Variants in PPP2R2C observed in about 807,000 individuals in gnomAD.
PPP2R2C encodes protein phosphatase 2 regulatory subunit Bgamma.
Under a neutral mutation model 45.3 loss-of-function variants are expected in PPP2R2C, and 10 were observed. The ratio of observed to expected loss-of-function variants is 0.22; its 90% CI spans 0.14 to 0.37. The LOEUF (loss-of-function observed/expected upper bound fraction) is 0.37, where lower values mean the gene tolerates loss of function less well. PPP2R2C is among the 10% of genes least tolerant of loss of function. PPP2R2C has a pLI of 1.00. For missense variants in PPP2R2C, 308 were observed against 619.7 expected, an observed-to-expected ratio of 0.50 and a Z score of 5.34; for synonymous variants, 257 against 245.4, an observed-to-expected ratio of 1.05 and a Z score of -0.44.
intron 2 of PPP2R2C, among the ~76,000 whole-genome samples, chr4:6,532,582 A>C (rs546127440): frequency 6.6e-6 from 1 of 152,190 alleles, no homozygotes; most frequent in Non-Finnish European, 1.5e-5. Context: ...TGCACATTCC[A>C]CTCTGCGTTT....
At chr4:6,363,216 C>T (rs1452938363) in intron 5 of PPP2R2C, among the ~76,000 whole-genome samples, 1 of 152,184 alleles carries the variant, frequency 6.6e-6, no homozygotes, top group Admixed American at 6.5e-5. Flanking sequence ...GTGCTGGTAA[C>T]TTGAACAATA....
chr4:6,485,451 TC>T (rs1290650114), intron 2 of PPP2R2C, among the ~76,000 whole-genome samples: 1 of 151,934 alleles, frequency 6.6e-6, no homozygotes, highest in Admixed American at 6.6e-5. Context: ...TAGTATTATT[TC>T]CTCCTTAAAT....
intron 1 of PPP2R2C, among the ~76,000 whole-genome samples, chr4:6,439,017 G>C (rs549421814): frequency 6.6e-6 from 1 of 152,314 alleles, no homozygotes; most frequent in East Asian, 1.9e-4. Context: ...TCTCTGAACA[G>C]TGCCAGAGAT....
intron 2 of PPP2R2C, among the ~76,000 whole-genome samples, chr4:6,511,200 C>T (rs1406959915): frequency 6.6e-6 from 1 of 152,142 alleles, no homozygotes; most frequent in Non-Finnish European, 1.5e-5. Context: ...AGAACGATGC[C>T]TGGCATGGCG....
intron 1 of PPP2R2C, among the ~76,000 whole-genome samples, chr4:6,463,537 G>A (rs953404611): frequency 6.6e-6 from 1 of 152,222 alleles, no homozygotes; most frequent in African/African-American, 2.4e-5. Flanking sequence ...GGCCCCCACT[G>A]TGCAAGGAGG....
chr4:6,477,128 G>C (rs1311707979), upstream of PPP2R2C, among the ~76,000 whole-genome samples: 1 of 152,132 alleles, frequency 6.6e-6, no homozygotes, highest in Non-Finnish European at 1.5e-5. Flanking sequence ...GGTGGTGCAT[G>C]CTTGTGGTCC....
Position 6,364,663 on chromosome 4 carries a change from C to T in PPP2R2C, c.625+7860G>A, listed in dbSNP as rs115232494. Among the ~76,000 whole-genome samples the T allele has an allele frequency of 3.1e-4, 47 of 152,260 alleles. No homozygotes were observed. Among genetic ancestry groups the T allele is most frequent in the African/African-American group, 7.7e-4 (32 of 41,560 alleles). ...TATGGTGTCAGCAGGGGCTTTTCCT[C>T]GCTTTACAGGTGAGGAGCTGAGGCA... On this transcript the variant is annotated intron_variant, in intron 5 of 8. Coordinates refer to ENST00000382599, the MANE Select transcript of PPP2R2C (RefSeq NM_020416.4). The surrounding 1 kb of genome is among the most constrained non-coding windows in gnomAD (Gnocchi z 5.3).
intron 1 of PPP2R2C, chr4:6,383,407 C>T (rs1367417350): frequency 7.8e-7 from 1 of 1,289,862 alleles, no homozygotes. Context: ...TACCTCCTCC[C>T]CTTCCCCAGC....
rs1276677362 is a variant in PPP2R2C at position 6,331,622 on chromosome 4, G to C, written c.960+1940C>G. 1.3e-5 allele frequency among the ~76,000 whole-genome samples: 2 copies of C among 152,220 alleles called. No individual in the cohort carries two copies. Among genetic ancestry groups the C allele is most frequent in the Non-Finnish European group, 2.9e-5 (2 of 68,046 alleles). ...AACACGCAACAGACCCCAGGGGTGA[G>C]ATCTAGTGCATTTCCTATTTCCTGC... is the stretch of plus-strand genomic sequence containing the variant. On this transcript the variant is annotated intron_variant, in intron 7 of 8. Coordinates refer to ENST00000382599, the MANE Select transcript of PPP2R2C (RefSeq NM_020416.4). The surrounding 1 kb of genome is among the most constrained non-coding windows in gnomAD (Gnocchi z 5.9).
intron 1 of PPP2R2C, among the ~76,000 whole-genome samples, chr4:6,430,296 G>C (rs1449131259): frequency 6.6e-6 from 1 of 152,170 alleles, no homozygotes; most frequent in Non-Finnish European, 1.5e-5. Context: ...AGGAAGCTGA[G>C]GCCCAGAGAG....
rs769823940 is a variant in PPP2R2C at position 6,329,223 on chromosome 4, C to T, written c.1052+39G>A. The stretch of plus-strand genomic sequence containing the variant: ...GACCCCTGCAGGGCAGAAACCCTCC[C>T]TACGGTGAGGTGAGGTGCGGGCTGA... On this transcript the variant is annotated intron_variant, in intron 8 of 8. Coordinates refer to ENST00000382599, the MANE Select transcript of PPP2R2C (RefSeq NM_020416.4). This position sits in a 1 kb window ranked among gnomAD's most constrained non-coding sequence, Gnocchi z 5.8. 1.3e-6 allele frequency: 2 copies of T among 1,586,768 alleles called. No individual in the cohort carries two copies. Among genetic ancestry groups the T allele is most frequent in the South Asian group, 2.2e-5 (2 of 89,852 alleles).
intron 2 of PPP2R2C, among the ~76,000 whole-genome samples, chr4:6,511,005 A>C (rs892535114): frequency 6.6e-6 from 1 of 150,442 alleles, no homozygotes; most frequent in Non-Finnish European, 1.5e-5. Context: ...AAACAAAAAA[A>C]AAAACAGAAA....
intron 1 of PPP2R2C, among the ~76,000 whole-genome samples, chr4:6,412,940 T>G (rs1376369970): frequency 2.6e-5 from 4 of 152,226 alleles, no homozygotes; most frequent in Admixed American, 6.5e-5. Flanking sequence ...CCGAAACTGC[T>G]GGCACCTTCA....
intron 1 of PPP2R2C, among the ~76,000 whole-genome samples, chr4:6,448,354 C>A (rs1430387144): frequency 6.6e-6 from 1 of 152,162 alleles, no homozygotes; most frequent in South Asian, 2.1e-4. Flanking sequence ...GGAGGTCACA[C>A]GGAGAGGGGT....
At chr4:6,436,114 A>G (rs955977910) in intron 1 of PPP2R2C, among the ~76,000 whole-genome samples, 8 of 152,226 alleles carry the variant, frequency 5.3e-5, no homozygotes, top group African/African-American at 1.7e-4. Context: ...TCTATGAACA[A>G]GAAAACAGGT....
At chr4:6,372,800 AG>A in intron 4 of PPP2R2C, 100 bp from the exon 5 acceptor site, 1 of 1,259,042 alleles carries the variant, frequency 7.9e-7, no homozygotes, top group East Asian at 2.4e-5. Flanking sequence ...GCTGGAACAC[AG>A]GGGTGGGCGT....
At position 6,403,347 on chromosome 4, in the gene PPP2R2C, C is replaced by T. The variant is rs147471621; in HGVS notation, c.71-22253G>A. Among the ~76,000 whole-genome samples, 818 of 152,310 alleles carry T rather than the reference C, an allele frequency of 5.4e-3. 4 individuals are homozygous for T. Among genetic ancestry groups the T allele is most frequent in the Non-Finnish European group, 9.1e-3 (618 of 68,040 alleles). The stretch of plus-strand genomic sequence containing the variant: ...ACTGGTTTGGCAACAAGAATTACTC[C>T]CTGGCCTCTTCCTCCTCGCTTCCTG... On this transcript the variant is annotated intron_variant, in intron 1 of 8. Coordinates refer to ENST00000382599, the MANE Select transcript of PPP2R2C (RefSeq NM_020416.4).
chr4:6,402,937 A>G (rs1298444226), intron 1 of PPP2R2C, among the ~76,000 whole-genome samples: 1 of 152,230 alleles, frequency 6.6e-6, no homozygotes, highest in Non-Finnish European at 1.5e-5. Context: ...CAAAGCCATG[A>G]AGGCCTGCCA....
intron 1 of PPP2R2C, among the ~76,000 whole-genome samples, chr4:6,556,857 C>T (rs1408035064): frequency 1.3e-5 from 2 of 152,172 alleles, no homozygotes; most frequent in Admixed American, 6.5e-5. Context: ...CCACTGCACC[C>T]TCCTCCAAAG....
Sources: allele counts gnomAD v4.1 joint callset (sites outside exome capture counted in the v4.1 genomes callset), GRCh38; gene constraint gnomAD v4.1.1; non-coding constraint Gnocchi (gnomAD v3.1); transcripts MANE v1.5; gene names NCBI Gene and HGNC (gene_info 2026-07-23, HGNC 2026-07-21).